ADAMTS17: variants seen among roughly 807,000 people sequenced by gnomAD.
ADAMTS17 encodes the protein A disintegrin and metalloproteinase with thrombospondin motifs 17.
A neutral mutation model predicts 141.5 loss-of-function variants in ADAMTS17; 113 were observed. That is an observed-to-expected ratio of 0.80 (90% CI 0.69 to 0.93). The LOEUF (loss-of-function observed/expected upper bound fraction) is 0.93. Among genes scored for constraint, ADAMTS17 ranks in the 40% least tolerant of loss-of-function variants. The pLI is 0.00. For synonymous variants in ADAMTS17, 768 were observed against 630.6 expected, an observed-to-expected ratio of 1.22 and a Z score of -3.27; for missense variants, 1,659 against 1,517.9, an observed-to-expected ratio of 1.09 and a Z score of -1.54.
chr15:100,136,274 A>G (rs2038328008), intron 10 of ADAMTS17, among the ~76,000 whole-genome samples: 1 of 152,220 alleles, frequency 6.6e-6, no homozygotes, highest in African/African-American at 2.4e-5. Flanking sequence ...GTTGAACCAC[A>G]GTGTTGGGAG....
intron 15 of ADAMTS17, among the ~76,000 whole-genome samples, chr15:100,076,061 G>A (rs1175709701): frequency 6.7e-6 from 1 of 150,332 alleles, no homozygotes; most frequent in Non-Finnish European, 1.5e-5. Flanking sequence ...TTTTGTTTTC[G>A]AGATGGAGTT....
intron 12 of ADAMTS17, among the ~76,000 whole-genome samples, chr15:100,121,443 C>A (rs574721501): frequency 4.6e-5 from 7 of 151,994 alleles, no homozygotes; most frequent in Middle Eastern, 3.2e-3. Context: ...TTGAAAGCAC[C>A]AAGAGAGAAG....
At chr15:100,329,406 A>T (rs559339403) in intron 3 of ADAMTS17, among the ~76,000 whole-genome samples, 1 of 152,034 alleles carries the variant, frequency 6.6e-6, no homozygotes, top group South Asian at 2.1e-4. Context: ...GTGGTGGTGC[A>T]CGCCTGTGGT....
intron 3 of ADAMTS17, among the ~76,000 whole-genome samples, chr15:100,317,899 C>T (rs908025482): frequency 2.0e-5 from 3 of 152,072 alleles, no homozygotes; most frequent in African/African-American, 4.8e-5. Context: ...AGGGGGCAGC[C>T]GTGAGTTGAG....
chr15:100,300,611 TAG>T (rs2044997572), intron 3 of ADAMTS17, among the ~76,000 whole-genome samples: 1 of 152,018 alleles, frequency 6.6e-6, no homozygotes, highest in African/African-American at 2.4e-5. Flanking sequence ...CAGCCAAGAG[TAG>T]AGAGGCGGAA....
intron 7 of ADAMTS17, among the ~76,000 whole-genome samples, chr15:100,242,385 ACATGGTC>A (rs1454625174): frequency 6.6e-6 from 1 of 152,240 alleles, no homozygotes; most frequent in Non-Finnish European, 1.5e-5. Context: ...CTCAGTGCCC[ACATGGTC>A]CAATCTGGCC....
chr15:100,325,480 T>G (rs1425155893), intron 3 of ADAMTS17, among the ~76,000 whole-genome samples: 2 of 152,158 alleles, frequency 1.3e-5, no homozygotes, highest in Non-Finnish European at 2.9e-5. Flanking sequence ...CAATACGGTT[T>G]GGATGTGTGT....
chr15:100,237,021 G>A (rs1283089898), intron 7 of ADAMTS17, among the ~76,000 whole-genome samples: 2 of 152,066 alleles, frequency 1.3e-5, no homozygotes, highest in African/African-American at 2.4e-5. Context: ...TAGCTCCCAC[G>A]ATCCTCAGAC....
chr15:100,129,518 C>A (rs369929982), intron 12 of ADAMTS17: 1 of 152,264 alleles, frequency 6.6e-6, no homozygotes, highest in Non-Finnish European at 1.5e-5. Context: ...ACAAGGTGGG[C>A]AGATCACCTC....
At position 100,133,300 on chromosome 15, in the gene ADAMTS17, C is replaced by T; in HGVS notation, c.1489G>A (p.Gly497Arg). ...CRNMEHLMCA[G>R]LWCLVEGDTS... ...TCTCCTTCTACCAGGCACCACAGTC[C>T]AGCACACATTAGATGCTGCAGGACA... Residue 497 changes from glycine to arginine, a missense_variant, in exon 11 of 22, where the codon GGA becomes AGA. Physicochemically the swap from Gly to Arg is moderately radical, Grantham distance 125. Transcript: ENST00000268070. 6.3e-7 allele frequency: 1 copy of T among 1,589,894 alleles called. No homozygotes were observed.
At chr15:100,276,731 G>A (rs750875439) in intron 4 of ADAMTS17, among the ~76,000 whole-genome samples, 54 of 152,104 alleles carry the variant, frequency 3.6e-4, no homozygotes, top group Non-Finnish European at 6.6e-4. Flanking sequence ...ATCACGTTCT[G>A]CTCTATGTTC....
Position 100,070,002 on chromosome 15 carries a change from T to G in ADAMTS17, c.2138-15948A>C, listed in dbSNP as rs1465125947. Reference sequence around the variant, plus strand: ...GTGTGCTGTATTCAGGAAATCCATCTCATGTGCAGAGACACACATAGGCTC... The same window carrying G: ...GTGTGCTGTATTCAGGAAATCCATCGCATGTGCAGAGACACACATAGGCTC... On this transcript the variant is annotated intron_variant, in intron 15 of 21. Coordinates refer to ENST00000268070, the MANE Select transcript of ADAMTS17 (RefSeq NM_139057.4). 2.7e-5 allele frequency among the ~76,000 whole-genome samples: 4 copies of G among 150,020 alleles called. 1 individual carries two copies. Among genetic ancestry groups the G allele is most frequent in the African/African-American group, 9.9e-5 (4 of 40,466 alleles).
At chr15:99,990,343 A>G (rs2060666247) in intron 20 of ADAMTS17, among the ~76,000 whole-genome samples, 1 of 152,152 alleles carries the variant, frequency 6.6e-6, no homozygotes, top group Non-Finnish European at 1.5e-5. Context: ...GCCAAAGCAC[A>G]CATATCTTTT....
intron 8 of ADAMTS17, among the ~76,000 whole-genome samples, chr15:100,171,118 T>A (rs750001953): frequency 6.6e-6 from 1 of 152,004 alleles, no homozygotes; most frequent in Non-Finnish European, 1.5e-5. Flanking sequence ...CAAAGGCCAG[T>A]TGGAGGAGGG....
Position 100,192,097 on chromosome 15 carries a change from T to C in ADAMTS17, c.1181+7221A>G, listed in dbSNP as rs987382654. ...ATAAGGCCTGCACGTTTTGAACAAC[T>C]CTGGAATTTGGGTAAGACTGCCGTG... On this transcript the variant is annotated intron_variant, in intron 8 of 21. Transcript: ENST00000268070. Among the ~76,000 whole-genome samples, 6 of 152,328 alleles carry C rather than the reference T, an allele frequency of 3.9e-5. No individual in the cohort carries two copies. The South Asian group carries it at 1.2e-3, about 32-fold the overall frequency.
intron 14 of ADAMTS17, among the ~76,000 whole-genome samples, chr15:100,108,567 A>G (rs28628777): frequency 0.48 from 72,926 of 151,962 alleles, 17,597 homozygotes; most frequent in Admixed American, 0.52. Context: ...CAGTAGATGG[A>G]TGCTCCCTGA....
intron 7 of ADAMTS17, among the ~76,000 whole-genome samples, chr15:100,224,070 T>G (rs2141810564): frequency 6.6e-6 from 1 of 152,246 alleles, no homozygotes; most frequent in East Asian, 1.9e-4. Flanking sequence ...GATTAGATTG[T>G]GCCCACCAGA....
At chr15:100,330,573 CAGG>C (rs2046020390) in intron 3 of ADAMTS17, among the ~76,000 whole-genome samples, 1 of 152,086 alleles carries the variant, frequency 6.6e-6, no homozygotes, top group South Asian at 2.1e-4. Flanking sequence ...GCCAGGGCAC[CAGG>C]AGGAGGGAAT....
chr15:100,112,754 C>G (rs1026613412), intron 13 of ADAMTS17, among the ~76,000 whole-genome samples: 1 of 152,154 alleles, frequency 6.6e-6, no homozygotes, highest in Admixed American at 6.5e-5. Flanking sequence ...GCTGCAAAGC[C>G]TGGGGCCGGT....
Sources: gnomAD v4.1 joint callset for allele counts (sites outside exome capture counted in the v4.1 genomes callset) on GRCh38, gnomAD v4.1.1 for gene constraint, MANE v1.5 for transcripts, NCBI Gene and HGNC (gene_info 2026-07-23, HGNC 2026-07-21) for gene names.